Variants in RCAN1 observed in about 807,000 individuals in gnomAD.
RCAN1 encodes the protein regulator of calcineurin 1.
Under a neutral mutation model 22.9 loss-of-function variants are expected in RCAN1, and 11 were observed. The observed-to-expected ratio is 0.48, with a 90% CI of 0.30 to 0.79. The LOEUF (loss-of-function observed/expected upper bound fraction) is 0.79. Ranked by LOEUF, RCAN1 falls within the 30% of genes least tolerant of loss-of-function variation. The pLI is 0.06. For missense variants in RCAN1, 291 were observed against 337.8 expected (o/e 0.86, Z 1.09); for synonymous variants, 136 against 142.3 (o/e 0.96, Z 0.32).
chr21:34,537,303 T>C (rs1320990006), intron 1 of RCAN1, among the ~76,000 whole-genome samples: 1 of 152,242 alleles, frequency 6.6e-6, no homozygotes, highest in East Asian at 1.9e-4. Flanking sequence ...GAGTATCTGA[T>C]TCCTAAGAGC....
chr21:34,528,521 A>G (rs1417079069), intron 1 of RCAN1, among the ~76,000 whole-genome samples: 1 of 152,218 alleles, frequency 6.6e-6, no homozygotes, highest in Non-Finnish European at 1.5e-5. Context: ...TCGAGAGGGA[A>G]TGTGTATGCT....
chr21:34,526,635 G>GA, intron 1 of RCAN1: 1 of 1,602,442 alleles, frequency 6.2e-7, no homozygotes, highest in South Asian at 1.1e-5. Context: ...GAAAACTAAA[G>GA]AAAATCACGT....
At chr21:34,563,794 T>TATATATATATAG (rs765741781) in intron 1 of RCAN1, among the ~76,000 whole-genome samples, 5 of 48,722 alleles carry the variant, frequency 1.0e-4, no homozygotes, top group African/African-American at 4.2e-4. Flanking sequence ...TATATATATA[T>TATATATATATAG]AGAGAGAGAG....
chr21:34,607,000 A>T (rs1471903636), intron 1 of RCAN1, among the ~76,000 whole-genome samples: 1 of 152,254 alleles, frequency 6.6e-6, no homozygotes, highest in Non-Finnish European at 1.5e-5. Flanking sequence ...AACTTTCTGA[A>T]TTAAATAATA....
chr21:34,525,001 G>C, intron 1 of RCAN1: 1 of 1,521,650 alleles, frequency 6.6e-7, no homozygotes, highest in Non-Finnish European at 8.8e-7. Context: ...GTGGGAGCCC[G>C]TGTGAAAGGC....
At chr21:34,528,060 C>T (rs946933211) in intron 1 of RCAN1, among the ~76,000 whole-genome samples, 5 of 152,178 alleles carry the variant, frequency 3.3e-5, no homozygotes, top group African/African-American at 7.2e-5. Context: ...CTATGTTCTT[C>T]TCACTCTCTC....
chr21:34,597,024 C>T (rs1328207441), intron 1 of RCAN1, among the ~76,000 whole-genome samples: 1 of 152,114 alleles, frequency 6.6e-6, no homozygotes, highest in Admixed American at 6.6e-5. Context: ...TCCTGGGCTC[C>T]CAGTCTCAGT....
chr21:34,535,395 C>T (rs979686038), intron 1 of RCAN1, among the ~76,000 whole-genome samples: 20 of 140,268 alleles, frequency 1.4e-4, no homozygotes, highest in Non-Finnish European at 1.1e-4. Context: ...AAGCAAAACA[C>T]ATAACCTTTT....
intron 1 of RCAN1, among the ~76,000 whole-genome samples, chr21:34,582,972 A>G (rs1987668202): frequency 6.6e-6 from 1 of 152,090 alleles, no homozygotes; most frequent in Admixed American, 6.5e-5. Context: ...AGAGAGAGAG[A>G]GAGAGCCTCT....
chr21:34,530,770 G>A (rs966502596), intron 1 of RCAN1, among the ~76,000 whole-genome samples: 6 of 151,778 alleles, frequency 4.0e-5, no homozygotes, highest in East Asian at 1.9e-4. Flanking sequence ...GATTACAGGC[G>A]CCTGCCACCA....
chr21:34,595,413 G>A (rs1391709789), intron 1 of RCAN1, among the ~76,000 whole-genome samples: 2 of 152,292 alleles, frequency 1.3e-5, no homozygotes, highest in South Asian at 2.1e-4. Context: ...AGCAACACCC[G>A]CAGAAAGAAT....
chr21:34,597,219 C>T (rs1040489518), intron 1 of RCAN1, among the ~76,000 whole-genome samples: 3 of 152,184 alleles, frequency 2.0e-5, no homozygotes, highest in Non-Finnish European at 4.4e-5. Context: ...CAAAAGTAAA[C>T]ACTCCTCGGT....
At chr21:34,602,505 C>G (rs1988387689) in intron 1 of RCAN1, among the ~76,000 whole-genome samples, 1 of 152,286 alleles carries the variant, frequency 6.6e-6, no homozygotes, top group East Asian at 1.9e-4. Context: ...TGAACTGTAA[C>G]ACAGTGAATT....
At chr21:34,567,477 C>A (rs1351421340) in intron 1 of RCAN1, among the ~76,000 whole-genome samples, 1 of 151,636 alleles carries the variant, frequency 6.6e-6, no homozygotes, top group Non-Finnish European at 1.5e-5. Flanking sequence ...ATTGCTTGAA[C>A]CCAGGAGGCG....
At chr21:34,541,770 T>C (rs1177694634) in intron 1 of RCAN1, among the ~76,000 whole-genome samples, 1 of 152,116 alleles carries the variant, frequency 6.6e-6, no homozygotes, top group African/African-American at 2.4e-5. Flanking sequence ...CTGTCTCTAC[T>C]AAAAACACAA....
Position 34,558,628 on chromosome 21 carries a change from A to C in RCAN1, c.253-34918T>G, listed in dbSNP as rs1986675296. Reference sequence around the variant, plus strand: ...TACAGAAAATCTGGCCATCTCAAACAACTTAACGTATTTCCTAAAGATTTT... The same window carrying C: ...TACAGAAAATCTGGCCATCTCAAACCACTTAACGTATTTCCTAAAGATTTT... On this transcript the variant is annotated intron_variant, in intron 1 of 3. Transcript: ENST00000313806. Among the ~76,000 whole-genome samples, 3 of 89,046 alleles carry C rather than the reference A, an allele frequency of 3.4e-5. No homozygotes were observed. The East Asian group carries it at 1.2e-3, about 35-fold the overall frequency. The allele number at this position is 89,046 out of a possible 152,430, so 58.4% of individuals were successfully genotyped here.
At chr21:34,599,832 C>T (rs1256623742) in intron 1 of RCAN1, among the ~76,000 whole-genome samples, 1 of 152,172 alleles carries the variant, frequency 6.6e-6, no homozygotes, top group Non-Finnish European at 1.5e-5. Flanking sequence ...TATCAGCAAA[C>T]GGTACTTACT....
intron 1 of RCAN1, among the ~76,000 whole-genome samples, chr21:34,563,515 C>T (rs1374388681): frequency 1.3e-5 from 2 of 151,898 alleles, no homozygotes; most frequent in African/African-American, 4.8e-5. Context: ...GCACCAAGGG[C>T]AGGGAAGCAT....
intron 1 of RCAN1, among the ~76,000 whole-genome samples, chr21:34,566,353 G>A (rs1987007574): frequency 6.6e-6 from 1 of 152,196 alleles, no homozygotes; most frequent in South Asian, 2.1e-4. Flanking sequence ...CATTCCCTGA[G>A]TCCACATGGC....
Sources: gnomAD v4.1 joint callset for allele counts (sites outside exome capture counted in the v4.1 genomes callset) on GRCh38, gnomAD v4.1.1 for gene constraint, MANE v1.5 for transcripts, NCBI Gene and HGNC (gene_info 2026-07-23, HGNC 2026-07-21) for gene names.